GPBP1L1: variants seen among roughly 807,000 people sequenced by gnomAD.
GPBP1L1 encodes the protein vasculin-like protein 1.
A neutral mutation model predicts 52.5 loss-of-function variants in GPBP1L1; 23 were observed. The ratio of observed to expected loss-of-function variants is 0.44; its 90% CI spans 0.32 to 0.62. GPBP1L1 has a LOEUF of 0.62. Ranked by LOEUF, GPBP1L1 falls within the 20% of genes least tolerant of loss-of-function variation. The pLI, the probability that GPBP1L1 is intolerant of heterozygous loss-of-function variation, is 0.06. For synonymous variants in GPBP1L1, 243 were observed against 203.1 expected (o/e 1.20, Z -1.67); for missense variants, 596 against 579.3 (o/e 1.03, Z -0.30).
At position 45,654,641 on chromosome 1, in the gene GPBP1L1, G is replaced by C; in HGVS notation, c.379C>G (p.Arg127Gly). The change falls in exon 6 of 13, where the codon CGG (arginine) becomes GGG (glycine). Residue 127 changes from arginine to glycine, a missense_variant. Physicochemically the swap from Arg to Gly is moderately radical, Grantham distance 125. Coordinates refer to ENST00000355105, the MANE Select transcript of GPBP1L1 (RefSeq NM_021639.5). ...TTTTCCTGAAAAGCACACCCTTTCC[G>C]GGAGTGGAAGCTGCCATTCCAATGG... ...HRHWNGSFHSRKGCAFQEKPP... is the reference protein window; with the variant it reads ...HRHWNGSFHSGKGCAFQEKPP... 3 of 1,614,058 alleles carry C rather than the reference G, an allele frequency of 1.9e-6. No homozygotes were observed. The highest frequency in any genetic ancestry group is 1.6e-4 in the Middle Eastern group (1 of 6,062).
rs922469758 is a variant in GPBP1L1 at position 45,657,111 on chromosome 1, G to C, written c.61-1792C>G. Among the ~76,000 whole-genome samples, 4 of 152,084 alleles carry C rather than the reference G, an allele frequency of 2.6e-5. No homozygotes were observed. In the South Asian group the frequency reaches 6.2e-4, roughly 24 times the overall value. ...ATGTCTTCTAATTCTTTTTACTTAA[G>C]TTCACGGTGCTAAAACAATTATTCT... is the stretch of plus-strand genomic sequence containing the variant. On this transcript the variant is annotated intron_variant, in intron 4 of 12. Coordinates refer to ENST00000355105, the MANE Select transcript of GPBP1L1 (RefSeq NM_021639.5).
At position 45,628,134 on chromosome 1, in the gene GPBP1L1, A is replaced by T; in HGVS notation, c.*122T>A. The T allele has an allele frequency of 1.0e-6, 1 of 960,836 alleles. No homozygotes were observed. Among genetic ancestry groups the T allele is most frequent in the Non-Finnish European group, 1.6e-6 (1 of 633,452 alleles). 59.5% of individuals were successfully genotyped at this position (960,836 alleles called of 1,614,324 possible). On this transcript the variant is annotated 3_prime_UTR_variant, in exon 13 of 13. Transcript: ENST00000355105. ...CCAATTGCTCTCTCTTTGGGATATG[A>T]TTATTTCCCTTGTGAATGAAGTATT...
At chr1:45,656,669 C>T (rs1644888405) in intron 4 of GPBP1L1, among the ~76,000 whole-genome samples, 1 of 139,916 alleles carries the variant, frequency 7.1e-6, no homozygotes, top group African/African-American at 2.6e-5. Context: ...ATACATAAGC[C>T]TTTTTTTTTT....
At chr1:45,640,763 C>G (rs2148439156) in intron 7 of GPBP1L1, among the ~76,000 whole-genome samples, 1 of 152,266 alleles carries the variant, frequency 6.6e-6, no homozygotes, top group Admixed American at 6.5e-5. Flanking sequence ...AATCTCAGCA[C>G]TTGGAGGTGC....
chr1:45,684,274 A>AG (rs1464046599), intron 2 of GPBP1L1, among the ~76,000 whole-genome samples: 33 of 150,694 alleles, frequency 2.2e-4, no homozygotes, highest in South Asian at 4.2e-4. Flanking sequence ...AAAAAAAAAA[A>AG]AAAGAAAAAG....
intron 11 of GPBP1L1, among the ~76,000 whole-genome samples, chr1:45,630,070 C>T (rs923934624): frequency 3.9e-5 from 6 of 152,054 alleles, no homozygotes; most frequent in African/African-American, 1.4e-4. Context: ...CCCGTCCCAG[C>T]CTCCCTAGTA....
chr1:45,685,958 C>G (rs1216039064), intron 1 of GPBP1L1, among the ~76,000 whole-genome samples: 2 of 152,102 alleles, frequency 1.3e-5, no homozygotes. Context: ...CTTTTTTCCC[C>G]TCAGATATCC....
intron 4 of GPBP1L1, among the ~76,000 whole-genome samples, chr1:45,658,329 C>T (rs1427987032): frequency 6.6e-6 from 1 of 152,178 alleles, no homozygotes; most frequent in Non-Finnish European, 1.5e-5. Context: ...TACCCAAGTG[C>T]CATTCCCCTT....
intron 4 of GPBP1L1, among the ~76,000 whole-genome samples, chr1:45,657,755 G>A (rs1187508779): frequency 6.6e-6 from 1 of 152,090 alleles, no homozygotes; most frequent in Admixed American, 6.6e-5. Flanking sequence ...CTAGAGACTA[G>A]GGCGAGAGGA....
chr1:45,658,654 G>C (rs1220699316), intron 4 of GPBP1L1: 1 of 226,844 alleles, frequency 4.4e-6, no homozygotes, highest in Admixed American at 5.4e-5. Context: ...ACTGGGCTGA[G>C]TGCAGTGGCT....
At chr1:45,672,378 C>A (rs1645084644) in intron 2 of GPBP1L1, among the ~76,000 whole-genome samples, 1 of 151,722 alleles carries the variant, frequency 6.6e-6, no homozygotes, top group Non-Finnish European at 1.5e-5. Flanking sequence ...TCTTAGGTAC[C>A]TTTATATATA....
At chr1:45,647,582 A>AT (rs1644766501) in intron 6 of GPBP1L1, among the ~76,000 whole-genome samples, 1 of 152,204 alleles carries the variant, frequency 6.6e-6, no homozygotes, top group Non-Finnish European at 1.5e-5. Context: ...CAATGGAGAG[A>AT]TTTTTACTTC....
Position 45,654,681 on chromosome 1 carries a change from G to C in GPBP1L1, c.339C>G (p.Gly113=), listed in dbSNP as rs141923484. ...CATTCCAATGGCGATGGTTCCCTGTGCCACCTCCACTACGTTGGCTCATGC... is the reference window on the plus strand; with the variant it reads ...CATTCCAATGGCGATGGTTCCCTGTCCCACCTCCACTACGTTGGCTCATGC... ...HDGMSQRSGG[G]TGNHRHWNGS... is the part of the protein sequence containing the mutation. Residue 113 remains glycine, a synonymous_variant, in exon 6 of 13, where the codon GGC becomes GGG. Transcript: ENST00000355105. The C allele has an allele frequency of 4.8e-4, 774 of 1,614,116 alleles. 10 individuals carry two copies. In the South Asian group the frequency reaches 6.2e-3, roughly 13 times the overall value.
chr1:45,670,787 C>CTTTTT lies in GPBP1L1; in HGVS notation c.-1097-9567_-1097-9563dup, dbSNP rs1157864588. ...ATATTTCTACACTACTACCATATGT[C>CTTTTT]TTTTTTTTTTTTTTTTTTTTTGTGA... On this transcript the variant is annotated intron_variant, in intron 2 of 12. Coordinates refer to ENST00000355105, the MANE Select transcript of GPBP1L1 (RefSeq NM_021639.5). Among the ~76,000 whole-genome samples the CTTTTT allele has an allele frequency of 4.7e-4, 52 of 111,178 alleles. 2 individuals carry two copies. Among genetic ancestry groups the CTTTTT allele is most frequent in the Middle Eastern group, 5.3e-3 (1 of 190 alleles). 72.9% of individuals were successfully genotyped at this position (111,178 alleles called of 152,430 possible).
intron 2 of GPBP1L1, among the ~76,000 whole-genome samples, chr1:45,677,268 G>A (rs1479309531): frequency 4.0e-5 from 6 of 151,004 alleles, no homozygotes; most frequent in South Asian, 2.1e-4. Context: ...CCTAGGAGGC[G>A]GAGGTTGCAG....
intron 2 of GPBP1L1, among the ~76,000 whole-genome samples, chr1:45,664,690 TTTTG>T (rs1644989334): frequency 7.0e-6 from 1 of 142,176 alleles, no homozygotes; most frequent in African/African-American, 2.6e-5. Context: ...TTTGTTTTGT[TTTTG>T]AGATGAGGTC....
rs1644938785 is a variant in GPBP1L1, at chr1:45,660,797, T to C, written c.-669A>G. On this transcript the variant is annotated 5_prime_UTR_variant, in exon 3 of 13. Coordinates refer to ENST00000355105, the MANE Select transcript of GPBP1L1 (RefSeq NM_021639.5). The stretch of plus-strand genomic sequence containing the variant: ...TATGTATTTATATTTGCCTTAACCT[T>C]CAAAATCTAGGGACATAAATCTTGT... 1 of 152,298 alleles carries C rather than the reference T, an allele frequency of 6.6e-6. No individual in the cohort carries two copies. The highest frequency in any genetic ancestry group is 2.4e-5 in the African/African-American group (1 of 41,404). 9.4% of individuals were successfully genotyped at this position (152,298 alleles called of 1,614,324 possible).
chr1:45,633,920 A>C (rs1198089449), intron 9 of GPBP1L1, 176 bp downstream of exon 9: 24 of 712,120 alleles, frequency 3.4e-5, no homozygotes, highest in Non-Finnish European at 4.9e-5. Context: ...CAGAGCATCT[A>C]TCCCATTTAG....
intron 2 of GPBP1L1, among the ~76,000 whole-genome samples, chr1:45,670,804 T>C (rs1250358585): frequency 6.7e-6 from 1 of 148,304 alleles, no homozygotes; most frequent in Non-Finnish European, 1.5e-5. Context: ...TTTTTTTTTT[T>C]TTTTGTGAGA....
Sources: allele counts gnomAD v4.1 joint callset (sites outside exome capture counted in the v4.1 genomes callset), GRCh38; gene constraint gnomAD v4.1.1; transcripts MANE v1.5; gene names NCBI Gene and HGNC (gene_info 2026-07-23, HGNC 2026-07-21).